The following TUSC3 variants were observed in gnomAD, a reference collection of about 807,000 sequenced individuals.
The protein encoded by TUSC3 is dolichyl-diphosphooligosaccharide--protein glycosyltransferase subunit TUSC3.
Under a neutral mutation model 44.8 loss-of-function variants are expected in TUSC3, and 45 were observed. The observed-to-expected ratio is 1.00, with a 90% CI of 0.79 to 1.29. TUSC3 has a LOEUF of 1.29. Ranked by LOEUF, TUSC3 falls within the 50% of genes most tolerant of loss-of-function variation. TUSC3 has a pLI of 0.00. For synonymous variants in TUSC3, 212 were observed against 152.9 expected (o/e 1.39, Z -2.85); for missense variants, 519 against 437.9 (o/e 1.19, Z -1.65).
chr8:15,709,523 A>G (rs1215320008), intron 6 of TUSC3, among the ~76,000 whole-genome samples: 1 of 151,828 alleles, frequency 6.6e-6, no homozygotes, highest in Non-Finnish European at 1.5e-5. Context: ...CCCAGCCAGA[A>G]TTTAGCTCCA....
chr8:15,827,994 C>CTTT, the TUSC3 span, among the ~76,000 whole-genome samples: 1,693 of 138,120 alleles, frequency 0.012, 26 homozygotes, highest in Non-Finnish European at 0.017. Flanking sequence ...AATTTGGTAT[C>CTTT]TTTTTTTTTT....
chr8:15,789,572 C>G, the TUSC3 span, among the ~76,000 whole-genome samples: 1 of 151,986 alleles, frequency 6.6e-6, no homozygotes, highest in Non-Finnish European at 1.5e-5. Flanking sequence ...TCAAATCATT[C>G]TAACAAAAAA....
chr8:15,570,954 GTTT>G (rs549277334), intron 1 of TUSC3, among the ~76,000 whole-genome samples: 651 of 44,496 alleles, frequency 0.015, 37 homozygotes, highest in African/African-American at 0.035. Context: ...TTGCCTATTA[GTTT>G]TTTTTTTTTT....
At chr8:15,480,034 T>C in intron 1 of TUSC3, among the ~76,000 whole-genome samples, 1 of 152,142 alleles carries the variant, frequency 6.6e-6, no homozygotes, top group Non-Finnish European at 1.5e-5. Flanking sequence ...AAATCATGAA[T>C]GAATGCCCAT....
intron 9 of TUSC3, among the ~76,000 whole-genome samples, chr8:15,751,655 C>G (rs148630466): frequency 1.5e-4 from 23 of 149,250 alleles, no homozygotes; most frequent in African/African-American, 5.4e-4. Context: ...GTTTCTTAGG[C>G]ACATCCAAAA....
At chr8:15,808,406 C>T in the TUSC3 span, among the ~76,000 whole-genome samples, 150 of 152,144 alleles carry the variant, frequency 9.9e-4, no homozygotes, top group African/African-American at 3.4e-3. Context: ...TCTTAATATT[C>T]CTTTGCATTT....
the TUSC3 span, among the ~76,000 whole-genome samples, chr8:15,775,015 A>G: frequency 2.0e-5 from 3 of 152,196 alleles, no homozygotes; most frequent in African/African-American, 7.2e-5. Context: ...CAAAACTTGC[A>G]CAAATGTTCA....
the TUSC3 span, among the ~76,000 whole-genome samples, chr8:15,832,351 T>C: frequency 4.6e-5 from 7 of 152,246 alleles, no homozygotes; most frequent in South Asian, 1.4e-3. Context: ...CACAGACCTG[T>C]GACACTACAC....
chr8:15,569,650 T>C (rs1444247421), intron 1 of TUSC3, among the ~76,000 whole-genome samples: 1 of 152,164 alleles, frequency 6.6e-6, no homozygotes, highest in African/African-American at 2.4e-5. Flanking sequence ...AAACTGGGAC[T>C]TTCCCTGGGC....
At chr8:15,538,884 C>T (rs74534382), upstream of TUSC3, among the ~76,000 whole-genome samples, 22 of 151,892 alleles carry the variant, frequency 1.4e-4, no homozygotes, top group East Asian at 4.3e-3. Flanking sequence ...GGGTTTTGCT[C>T]TGTCTCCCAG....
At chr8:15,645,357 C>G (rs1806576137) in intron 2 of TUSC3, among the ~76,000 whole-genome samples, 1 of 152,032 alleles carries the variant, frequency 6.6e-6, no homozygotes, top group Non-Finnish European at 1.5e-5. Context: ...TTTCTATTAC[C>G]TTACTTTTCT....
chr8:15,571,437 G>A (rs1418560314), intron 1 of TUSC3, among the ~76,000 whole-genome samples: 1 of 152,224 alleles, frequency 6.6e-6, no homozygotes, highest in East Asian at 1.9e-4. Flanking sequence ...TCTATTAAAT[G>A]TGCAATAGCA....
At chr8:15,495,494 A>G (rs1317252870) in intron 2 of TUSC3, among the ~76,000 whole-genome samples, 1 of 152,140 alleles carries the variant, frequency 6.6e-6, no homozygotes, top group African/African-American at 2.4e-5. Flanking sequence ...TGTTCTACAT[A>G]TGTCCTACCT....
chr8:15,730,368 C>T (rs188159843), intron 6 of TUSC3, among the ~76,000 whole-genome samples: 77 of 151,924 alleles, frequency 5.1e-4, no homozygotes, highest in African/African-American at 1.9e-3. Flanking sequence ...TTTGCAATAC[C>T]TCTACAGGAA....
chr8:15,540,596 TGTGGGCGGGGGCGGGCCAGG>T (rs1563279634), intron 1 of TUSC3, 28 bp downstream of exon 1: 1 of 1,515,990 alleles, frequency 6.6e-7, no homozygotes, highest in Admixed American at 1.9e-5. Context: ...GGCCTTCCCC[TGTGGGCGGGGGCGGGCCAGG>T]GTGGGCCGCG....
intron 6 of TUSC3, among the ~76,000 whole-genome samples, chr8:15,709,462 A>T (rs1439606615): frequency 1.3e-5 from 2 of 151,798 alleles, no homozygotes; most frequent in South Asian, 2.1e-4. Context: ...CCATATTCTT[A>T]TATGTATTTT....
rs1812305432 is a variant in TUSC3, at chr8:15,765,601, C to G, written c.*1445C>G. 1 of 151,980 alleles carries G rather than the reference C, an allele frequency of 6.6e-6. No individual in the cohort carries two copies. Among genetic ancestry groups the G allele is most frequent in the Admixed American group, 6.6e-5 (1 of 15,216 alleles). The allele number at this position is 151,980 out of a possible 1,614,324, so 9.4% of individuals were successfully genotyped here. A position where few individuals can be genotyped will look rare whatever the true frequency, so the allele number is the denominator to read the frequency against. On this transcript the variant is annotated 3_prime_UTR_variant, in exon 11 of 11. Transcript: ENST00000503731. The stretch of plus-strand genomic sequence containing the variant: ...TGTATGCTAGCAGGATGAATGCTAT[C>G]TTTTCAAAACATAATATTCAGTGAA...
chr8:15,781,418 C>A, the TUSC3 span, among the ~76,000 whole-genome samples: 1 of 151,962 alleles, frequency 6.6e-6, no homozygotes, highest in African/African-American at 2.4e-5. Flanking sequence ...ATGAAGAGAC[C>A]CACACTGAGA....
rs138614295 is a variant in TUSC3, at chr8:15,526,097, A to G, written n.189+42614A>G. On this transcript the variant is annotated intron_variant and non_coding_transcript_variant, in intron 2 of 5. Transcript: ENST00000503191. The stretch of plus-strand genomic sequence containing the variant: ...GTCCAGGCTGGAGTGCAGTGGCACC[A>G]TCTCGGCTCACTGCAAGCTCCGCCT... Among the ~76,000 whole-genome samples, 192 of 151,960 alleles carry G rather than the reference A, an allele frequency of 1.3e-3. 2 individuals carry two copies. The highest frequency in any genetic ancestry group is 4.5e-3 in the African/African-American group (185 of 41,444).
Sources: gnomAD v4.1 joint callset for allele counts (sites outside exome capture counted in the v4.1 genomes callset) on GRCh38, gnomAD v4.1.1 for gene constraint, MANE v1.5 for transcripts, NCBI Gene and HGNC (gene_info 2026-07-23, HGNC 2026-07-21) for gene names.